Variants in SHOC1 observed in about 807,000 individuals in gnomAD.
SHOC1 encodes protein shortage in chiasmata 1 ortholog.
SHOC1 carries 136 observed loss-of-function variants against 179.2 expected under a neutral mutation model. The ratio of observed to expected loss-of-function variants is 0.76; its 90% CI spans 0.66 to 0.87. SHOC1 has a LOEUF of 0.87. Among genes scored for constraint, SHOC1 ranks in the 40% least tolerant of loss-of-function variants. The probability of loss-of-function intolerance (pLI) is 0.00; values close to 1 mark genes in which losing one functional copy is unlikely to be tolerated. For synonymous variants in SHOC1, 489 were observed against 586.6 expected (o/e 0.83, Z 2.41); for missense variants, 1,538 against 1,700.8 (o/e 0.90, Z 1.68).
chr9:111,694,328 A>G lies in SHOC1; in HGVS notation c.3218T>C (p.Leu1073Ser). Residue 1073 changes from leucine (L) to serine (S), a missense_variant, in exon 25 of 28, where the codon TTG becomes TCG. By Grantham distance (145) the Leu-to-Ser change is moderately radical. Transcript: ENST00000682961. ...GTGGTCAGCAATTTGTCGAATTATC[A>G]AGGCAGTTGCTTCTACTCCTGGGGC... Reference protein sequence around the residue: ...IIAPGVEATALIIRQIADHSL... With the variant: ...IIAPGVEATASIIRQIADHSL... 1 of 1,611,228 alleles carries G rather than the reference A, an allele frequency of 6.2e-7. No individual in the cohort carries two copies. The highest frequency in any genetic ancestry group is 8.5e-7 in the Non-Finnish European group (1 of 1,177,926).
chr9:111,727,929 C>G lies in SHOC1; in HGVS notation c.1538G>C (p.Cys513Ser). The G allele has an allele frequency of 6.2e-7, 1 of 1,613,382 alleles. No homozygotes were observed. Among genetic ancestry groups the G allele is most frequent in the Non-Finnish European group, 8.5e-7 (1 of 1,179,700 alleles). ...ATCAGAGAAATAGTCATCAGAAAAA[C>G]ATAGATCTGGTACTTCTTTTGCCAG... ...PSLAKEVPDL[C>S]FSDDYFSDKG... The change falls in exon 13 of 28, where the codon TGT (cysteine) becomes TCT (serine). Residue 513 changes from cysteine (C) to serine (S), a missense_variant. Physicochemically the swap from Cys to Ser is moderately radical, Grantham distance 112. Coordinates refer to ENST00000682961, the MANE Select transcript of SHOC1 (RefSeq NM_001378211.1).
intron 18 of SHOC1, among the ~76,000 whole-genome samples, chr9:111,708,165 A>G (rs12340057): frequency 0.057 from 8,653 of 151,788 alleles, 627 homozygotes; most frequent in African/African-American, 0.17. Context: ...TAAAATAATA[A>G]AATTGATTAA....
chr9:111,722,158 A>G (rs895213800), intron 15 of SHOC1, among the ~76,000 whole-genome samples: 2 of 152,172 alleles, frequency 1.3e-5, no homozygotes, highest in Non-Finnish European at 2.9e-5. Context: ...TAATTTCTGC[A>G]ATAGGAATCT....
intron 24 of SHOC1, among the ~76,000 whole-genome samples, chr9:111,694,966 C>A (rs1393373701): frequency 1.3e-5 from 2 of 151,920 alleles, no homozygotes; most frequent in Non-Finnish European, 2.9e-5. Context: ...AAATTTAATT[C>A]TAAAAAATAA....
At chr9:111,717,278 A>T (rs182328302) in intron 16 of SHOC1, among the ~76,000 whole-genome samples, 39 of 152,306 alleles carry the variant, frequency 2.6e-4, no homozygotes, top group Middle Eastern at 3.4e-3. Flanking sequence ...TATAAAACAT[A>T]ATTCCATAAA....
chr9:111,781,012 C>T lies in SHOC1; in HGVS notation c.175G>A (p.Ala59Thr), dbSNP rs768259153. The change falls in exon 4 of 28, where the codon GCT becomes ACT. Residue 59 changes from alanine (A) to threonine (T), a missense_variant. Transcript: ENST00000682961. The stretch of plus-strand genomic sequence containing the variant: ...TCTGTCATTCCCGGAACTGAAACAG[C>T]TGAGACTAGAAAGGATAATAGTTAA... The part of the protein sequence containing the change: ...KFRRPWTRVS[A>T]VSVPGMTDTS... 6 of 1,611,186 alleles carry T rather than the reference C, an allele frequency of 3.7e-6. 1 individual carries two copies. The South Asian group carries it at 6.6e-5, about 18-fold the overall frequency.
At chr9:111,790,306 C>T (rs773632861) in intron 2 of SHOC1, among the ~76,000 whole-genome samples, 3 of 152,070 alleles carry the variant, frequency 2.0e-5, no homozygotes, top group Non-Finnish European at 4.4e-5. Context: ...TTTTGCACCA[C>T]CCTAATATAA....
At chr9:111,735,183 G>A (rs1048801914) in intron 12 of SHOC1, among the ~76,000 whole-genome samples, 1 of 151,878 alleles carries the variant, frequency 6.6e-6, no homozygotes, top group Admixed American at 6.6e-5. Flanking sequence ...TGGTGTGTAT[G>A]TACCACATTT....
intron 4 of SHOC1, among the ~76,000 whole-genome samples, 183 bp from the exon 5 acceptor site, chr9:111,776,158 C>A (rs899591645): frequency 2.0e-4 from 31 of 151,950 alleles, no homozygotes; most frequent in African/African-American, 6.8e-4. Context: ...TTAAAAAAAT[C>A]TTTAAACAAT....
intron 11 of SHOC1, among the ~76,000 whole-genome samples, chr9:111,739,561 A>T (rs1392834682): frequency 6.6e-6 from 1 of 152,136 alleles, no homozygotes; most frequent in East Asian, 1.9e-4. Context: ...ATTATACCAT[A>T]TGAATTTTTT....
rs760703936 is a variant in SHOC1, at chr9:111,760,382, T to G, written c.443-1534A>C. Among the ~76,000 whole-genome samples, 4 of 152,298 alleles carry G rather than the reference T, an allele frequency of 2.6e-5. No individual in the cohort carries two copies. In the South Asian group the frequency reaches 8.3e-4, roughly 32 times the overall value. On this transcript the variant is annotated intron_variant, in intron 5 of 27. Coordinates refer to ENST00000682961, the MANE Select transcript of SHOC1 (RefSeq NM_001378211.1). ...TTCTTATTTTACTACAGCTAATACA[T>G]GTACTATACAGATATAAGGAGACTG...
chr9:111,748,756 C>A (rs1184565067), intron 8 of SHOC1, among the ~76,000 whole-genome samples: 1 of 40,130 alleles, frequency 2.5e-5, no homozygotes, highest in Non-Finnish European at 4.6e-5. Context: ...TTTTTTCCTT[C>A]CTTCCTTTCC....
intron 15 of SHOC1, among the ~76,000 whole-genome samples, chr9:111,720,459 T>G (rs1832983227): frequency 6.6e-6 from 1 of 152,194 alleles, no homozygotes; most frequent in Non-Finnish European, 1.5e-5. Flanking sequence ...GTACTAAGTG[T>G]TCATTGAGAT....
intron 2 of SHOC1, among the ~76,000 whole-genome samples, chr9:111,790,746 C>A (rs929675884): frequency 6.6e-6 from 1 of 152,124 alleles, no homozygotes; most frequent in Non-Finnish European, 1.5e-5. Flanking sequence ...CAGGGTTTCA[C>A]CATGTTGGCC....
chr9:111,752,482 G>C (rs7038510), intron 8 of SHOC1, among the ~76,000 whole-genome samples: 122,368 of 152,152 alleles, frequency 0.8, 49,389 homozygotes, highest in East Asian at 0.92. Flanking sequence ...TTCAAAGGAA[G>C]ATAGCAAACT....
intron 12 of SHOC1, among the ~76,000 whole-genome samples, chr9:111,734,564 CT>C (rs1258194986): frequency 6.6e-6 from 1 of 152,056 alleles, no homozygotes; most frequent in African/African-American, 2.4e-5. Flanking sequence ...TTTTACATCC[CT>C]TATTGTTCTT....
Position 111,780,932 on chromosome 9 carries a change from CT to C in SHOC1, c.254del (p.Glu85GlyfsTer9). 1 of 1,610,070 alleles carries C rather than the reference CT, an allele frequency of 6.2e-7. No individual in the cohort carries two copies. The highest frequency in any genetic ancestry group is 1.7e-4 in the Middle Eastern group (1 of 6,052). On this transcript the variant is annotated frameshift_variant, in exon 4 of 28. Coordinates refer to ENST00000682961, the MANE Select transcript of SHOC1 (RefSeq NM_001378211.1). LOFTEE classifies it high-confidence loss of function. ...KASFFVEDFL[E>X]KKTITRMVTQ... ...AATTTGAGATTAAGGATACATACTTCTCAAGGAAATCCTCCACAAAGAAACT... is the reference window on the plus strand; with the variant it reads ...AATTTGAGATTAAGGATACATACTTCCAAGGAAATCCTCCACAAAGAAACT...
Position 111,705,395 on chromosome 9 carries a change from C to T in SHOC1, c.2738-31G>A, listed in dbSNP as rs2131356030. 2.7e-6 allele frequency: 3 copies of T among 1,096,050 alleles called. No individual in the cohort carries two copies. In the East Asian group the frequency reaches 8.2e-5, roughly 30 times the overall value. The allele number at this position is 1,096,050 out of a possible 1,614,324, so 67.9% of individuals were successfully genotyped here. ...TAAGAGAAAATTTATAAATATTTCT[C>T]TTTTATTCTCATCTCCCAGCTCTTT... On this transcript the variant is annotated intron_variant, in intron 20 of 27. Transcript: ENST00000682961.
intron 18 of SHOC1, among the ~76,000 whole-genome samples, chr9:111,709,129 T>C (rs145324414): frequency 0.011 from 1,682 of 152,256 alleles, 29 homozygotes; most frequent in African/African-American, 0.037. Flanking sequence ...TCACCTGAGG[T>C]CAGGAGTTCG....
Sources: allele counts gnomAD v4.1 joint callset (sites outside exome capture counted in the v4.1 genomes callset), GRCh38; gene constraint gnomAD v4.1.1; transcripts MANE v1.5; gene names NCBI Gene and HGNC (gene_info 2026-07-23, HGNC 2026-07-21).